KHDRBS2: variants seen among roughly 807,000 people sequenced by gnomAD.
The protein encoded by KHDRBS2 is KH RNA binding domain containing, signal transduction associated 2.
Under a neutral mutation model 44.3 loss-of-function variants are expected in KHDRBS2, and 26 were observed. The ratio of observed to expected loss-of-function variants is 0.59; its 90% CI spans 0.43 to 0.81. The LOEUF is 0.81. Among genes scored for constraint, KHDRBS2 ranks in the 40% least tolerant of loss-of-function variants. The pLI is 0.00. For synonymous variants in KHDRBS2, 194 were observed against 151.1 expected (o/e 1.28, Z -2.08); for missense variants, 476 against 433.1 (o/e 1.10, Z -0.88).
At chr6:61,881,667 C>CTCCT (rs1024402948) in intron 6 of KHDRBS2, among the ~76,000 whole-genome samples, 98 of 152,096 alleles carry the variant, frequency 6.4e-4, no homozygotes, top group African/African-American at 2.3e-3. Flanking sequence ...ATAAGGAATC[C>CTCCT]TCCTAATCTC....
intron 2 of KHDRBS2, among the ~76,000 whole-genome samples, chr6:62,097,284 T>C (rs1041251259): frequency 1.3e-5 from 2 of 152,036 alleles, no homozygotes; most frequent in African/African-American, 4.8e-5. Flanking sequence ...GTGTCTCTGC[T>C]GATTTCCTAT....
intron 6 of KHDRBS2, among the ~76,000 whole-genome samples, chr6:61,809,572 C>A (rs558624724): frequency 2.0e-5 from 3 of 152,112 alleles, no homozygotes; most frequent in Non-Finnish European, 2.9e-5. Flanking sequence ...ATAAAAAAAA[C>A]CTAAAGCCAA....
intron 1 of KHDRBS2, 105 bp downstream of exon 1, chr6:62,285,753 G>T: frequency 1.4e-6 from 1 of 716,110 alleles, no homozygotes; most frequent in Non-Finnish European, 2.4e-6. Flanking sequence ...GACAGTTTCT[G>T]CGAAGGCGGG....
At chr6:62,166,885 T>C (rs1430722963) in intron 2 of KHDRBS2, among the ~76,000 whole-genome samples, 1 of 152,032 alleles carries the variant, frequency 6.6e-6, no homozygotes, top group African/African-American at 2.4e-5. Context: ...TAGAGAAGCT[T>C]ACTGAAGGCT....
chr6:62,196,685 T>C (rs73760320), intron 1 of KHDRBS2, among the ~76,000 whole-genome samples: 1,557 of 152,230 alleles, frequency 0.01, 31 homozygotes, highest in African/African-American at 0.035. Flanking sequence ...GTTCATTCAC[T>C]AGCAATGAGG....
At chr6:61,944,631 T>C (rs1812824633) in intron 4 of KHDRBS2, among the ~76,000 whole-genome samples, 1 of 151,998 alleles carries the variant, frequency 6.6e-6, no homozygotes, top group Non-Finnish European at 1.5e-5. Context: ...ATTAACATAT[T>C]ACAAAATAGC....
intron 6 of KHDRBS2, among the ~76,000 whole-genome samples, chr6:61,744,601 C>G (rs931047392): frequency 7.2e-5 from 11 of 152,064 alleles, no homozygotes; most frequent in Admixed American, 5.2e-4. Context: ...AAGTGATTTG[C>G]TGTATTGAGG....
chr6:62,029,821 C>T (rs1271779485), intron 3 of KHDRBS2, among the ~76,000 whole-genome samples: 1 of 151,800 alleles, frequency 6.6e-6, no homozygotes, highest in East Asian at 1.9e-4. Context: ...ATTTTAATGC[C>T]ATAGATAAAA....
chr6:61,854,768 A>C (rs1313537419), intron 6 of KHDRBS2, among the ~76,000 whole-genome samples: 8 of 152,182 alleles, frequency 5.3e-5, no homozygotes, highest in Non-Finnish European at 1.2e-4. Context: ...GAGGAAACAA[A>C]ATTTGTCTTG....
At chr6:61,982,893 CTT>C (rs1583952775) in intron 3 of KHDRBS2, among the ~76,000 whole-genome samples, 1 of 152,032 alleles carries the variant, frequency 6.6e-6, no homozygotes, top group Non-Finnish European at 1.5e-5. Context: ...TTAAGGAACT[CTT>C]TTCTCTTTTC....
intron 1 of KHDRBS2, among the ~76,000 whole-genome samples, chr6:62,211,703 TG>T (rs1250400919): frequency 1.8e-4 from 28 of 152,322 alleles, no homozygotes; most frequent in Non-Finnish European, 3.4e-4. Context: ...TATACACTGT[TG>T]GTGGGAATGT....
chr6:62,209,750 A>T (rs1408980991), intron 1 of KHDRBS2, among the ~76,000 whole-genome samples: 3 of 152,178 alleles, frequency 2.0e-5, no homozygotes, highest in Non-Finnish European at 4.4e-5. Flanking sequence ...AGGCAGAAGA[A>T]GTTGGAAGAA....
At chr6:61,619,111 T>C in the KHDRBS2 span, among the ~76,000 whole-genome samples, 1 of 151,994 alleles carries the variant, frequency 6.6e-6, no homozygotes, top group Non-Finnish European at 1.5e-5. Flanking sequence ...ATAAAAAAAG[T>C]TTAATTAAAA....
chr6:62,165,195 C>T (rs1414793071), intron 2 of KHDRBS2, among the ~76,000 whole-genome samples: 3 of 151,288 alleles, frequency 2.0e-5, no homozygotes, highest in Admixed American at 6.6e-5. Context: ...CACTTTCCCC[C>T]GATTAAACTT....
At position 61,971,695 on chromosome 6, in the gene KHDRBS2, T is replaced by G. The variant is rs144669387; in HGVS notation, c.483+6371A>C. On this transcript the variant is annotated intron_variant, in intron 4 of 8. Transcript: ENST00000281156. ...CTCTGTCTCAGTAGATAAATTACCCTTGTTTGTATGGTGGTGGTCTTTGCC... is the reference window on the plus strand; with the variant it reads ...CTCTGTCTCAGTAGATAAATTACCCGTGTTTGTATGGTGGTGGTCTTTGCC... 3.0e-3 allele frequency among the ~76,000 whole-genome samples: 461 copies of G among 152,196 alleles called. 1 individual carries two copies. Among genetic ancestry groups the G allele is most frequent in the Non-Finnish European group, 4.4e-3 (301 of 67,986 alleles).
At chr6:61,633,001 T>C in the KHDRBS2 span, among the ~76,000 whole-genome samples, 1 of 152,150 alleles carries the variant, frequency 6.6e-6, no homozygotes, top group Non-Finnish European at 1.5e-5. Context: ...AATTACCCTT[T>C]GATATCCAGT....
the KHDRBS2 span, among the ~76,000 whole-genome samples, chr6:61,581,823 A>G: frequency 0.59 from 88,852 of 150,518 alleles, 26,393 homozygotes; most frequent in Non-Finnish European, 0.61. Context: ...ATATGCAGAT[A>G]GCTTTATACC....
At chr6:62,078,178 T>C (rs1349129612) in intron 2 of KHDRBS2, among the ~76,000 whole-genome samples, 1 of 152,062 alleles carries the variant, frequency 6.6e-6, no homozygotes, top group East Asian at 1.9e-4. Context: ...AATTTATCAA[T>C]ATAAAACTGT....
intron 1 of KHDRBS2, among the ~76,000 whole-genome samples, chr6:62,224,409 T>G (rs748537217): frequency 9.2e-5 from 14 of 151,780 alleles, no homozygotes; most frequent in Middle Eastern, 3.4e-3. Flanking sequence ...TATCAGTGGG[T>G]GTGTGTGTGT....
Sources: gnomAD v4.1 joint callset for allele counts (sites outside exome capture counted in the v4.1 genomes callset) on GRCh38, gnomAD v4.1.1 for gene constraint, MANE v1.5 for transcripts, NCBI Gene and HGNC (gene_info 2026-07-23, HGNC 2026-07-21) for gene names.